The following FARS2 variants were observed in gnomAD, a reference collection of about 807,000 sequenced individuals.
FARS2 encodes the protein phenylalanyl-tRNA synthetase 2, mitochondrial.
Under a neutral mutation model 46.4 loss-of-function variants are expected in FARS2, and 40 were observed. The ratio of observed to expected loss-of-function variants is 0.86; its 90% CI spans 0.67 to 1.12. The LOEUF (loss-of-function observed/expected upper bound fraction) is 1.12. Among genes scored for constraint, FARS2 ranks in the 50% most tolerant of loss-of-function variants. The pLI, the probability that FARS2 is intolerant of heterozygous loss-of-function variation, is 0.00. For synonymous variants in FARS2, 234 were observed against 214.9 expected (o/e 1.09, Z -0.78); for missense variants, 513 against 567.9 (o/e 0.90, Z 0.98).
intron 1 of FARS2, among the ~76,000 whole-genome samples, chr6:5,324,858 T>C (rs1463956244): frequency 6.6e-6 from 1 of 151,968 alleles, no homozygotes; most frequent in East Asian, 1.9e-4. Context: ...CACATGGCTG[T>C]CCACCAAGAA....
intron 5 of FARS2, among the ~76,000 whole-genome samples, chr6:5,574,416 T>C (rs1360525387): frequency 1.3e-5 from 2 of 152,188 alleles, no homozygotes; most frequent in African/African-American, 2.4e-5. Flanking sequence ...TAGGAGAGTC[T>C]TTTGAGAAAA....
chr6:5,535,963 A>G lies in FARS2; in HGVS notation c.905-9217A>G, dbSNP rs1343619413. On this transcript the variant is annotated intron_variant, in intron 4 of 6. Transcript: ENST00000274680. Reference sequence around the variant, plus strand: ...GTAATTTCTTGAGGAGTTTACATCTATGTTCATAAGAGATATTGGTATGTG... The same window carrying G: ...GTAATTTCTTGAGGAGTTTACATCTGTGTTCATAAGAGATATTGGTATGTG... 3.3e-5 allele frequency among the ~76,000 whole-genome samples: 5 copies of G among 151,382 alleles called. 1 individual carries two copies. The highest frequency in any genetic ancestry group is 7.4e-5 in the Non-Finnish European group (5 of 67,930).
At chr6:5,743,654 T>C (rs192673781) in intron 6 of FARS2, among the ~76,000 whole-genome samples, 47 of 152,310 alleles carry the variant, frequency 3.1e-4, no homozygotes, top group African/African-American at 1.1e-3. Flanking sequence ...CGAAGCTGTT[T>C]TCACGTTAGG....
At chr6:5,316,634 G>A (rs1029595396) in intron 1 of FARS2, among the ~76,000 whole-genome samples, 2 of 152,154 alleles carry the variant, frequency 1.3e-5, no homozygotes, top group African/African-American at 4.8e-5. Context: ...TTGACGAATT[G>A]CTGGGGGCCC....
At chr6:5,632,024 T>C (rs950927793) in intron 6 of FARS2, among the ~76,000 whole-genome samples, 9 of 152,214 alleles carry the variant, frequency 5.9e-5, no homozygotes, top group Non-Finnish European at 1.2e-4. Context: ...AATATGAAAA[T>C]TAAAGTTAGA....
intron 4 of FARS2, among the ~76,000 whole-genome samples, chr6:5,459,615 A>G (rs1765118768): frequency 6.6e-6 from 1 of 152,140 alleles, no homozygotes; most frequent in African/African-American, 2.4e-5. Flanking sequence ...AGAATGATGC[A>G]GAGACTCCAT....
chr6:5,466,773 C>A (rs774020075), intron 4 of FARS2: 1 of 982,316 alleles, frequency 1.0e-6, no homozygotes, highest in Non-Finnish European at 1.2e-6. Context: ...TGAAGCAGCA[C>A]CCCTGGTGAT....
In FARS2 at chr6:5,556,662, G is replaced by A. The variant is rs901944281; in HGVS notation, c.1065+11322G>A. Among the ~76,000 whole-genome samples the A allele has an allele frequency of 5.9e-5, 8 of 135,248 alleles. No homozygotes were observed. The East Asian group carries it at 1.6e-3, about 27-fold the overall frequency. 88.7% of individuals were successfully genotyped at this position (135,248 alleles called of 152,430 possible). A position where few individuals can be genotyped will look rare whatever the true frequency, so the allele number is the denominator to read the frequency against. On this transcript the variant is annotated intron_variant, in intron 5 of 6. Coordinates refer to ENST00000274680, the MANE Select transcript of FARS2 (RefSeq NM_006567.5). Reference sequence around the variant, plus strand: ...TATTGTAACTCCATATTTCTTTCTTGTTTATTAAGTTACTAAGAAAGAAAG... The same window carrying A: ...TATTGTAACTCCATATTTCTTTCTTATTTATTAAGTTACTAAGAAAGAAAG...
chr6:5,607,191 G>T (rs1668779380), intron 5 of FARS2, among the ~76,000 whole-genome samples: 1 of 152,094 alleles, frequency 6.6e-6, no homozygotes, highest in Non-Finnish European at 1.5e-5. Flanking sequence ...AAGGAGGGCT[G>T]CTAGGGAAAA....
intron 6 of FARS2, among the ~76,000 whole-genome samples, chr6:5,616,010 TAAAAA>T (rs11327256): frequency 7.3e-5 from 7 of 95,830 alleles, no homozygotes; most frequent in African/African-American, 1.2e-4. Context: ...CCATAGCTCT[TAAAAA>T]AAAAAAAAAA....
intron 6 of FARS2, among the ~76,000 whole-genome samples, chr6:5,731,581 C>A (rs1018532841): frequency 6.6e-6 from 1 of 152,120 alleles, no homozygotes; most frequent in Non-Finnish European, 1.5e-5. Context: ...TCTGTTGTAC[C>A]CTTTGATCTC....
chr6:5,488,747 T>G (rs9504412), intron 4 of FARS2, among the ~76,000 whole-genome samples: 22,705 of 151,712 alleles, frequency 0.15, 1,843 homozygotes, highest in Non-Finnish European at 0.16. Flanking sequence ...AACTTCTCTT[T>G]CAGTCTCTGG....
intron 4 of FARS2, among the ~76,000 whole-genome samples, chr6:5,526,049 T>C (rs1217439859): frequency 6.6e-6 from 1 of 152,232 alleles, no homozygotes; most frequent in Admixed American, 6.5e-5. Flanking sequence ...TCCAATAAGA[T>C]TCAATGATAA....
intron 6 of FARS2, among the ~76,000 whole-genome samples, chr6:5,755,836 A>G (rs1053768594): frequency 9.2e-5 from 14 of 152,108 alleles, no homozygotes; most frequent in African/African-American, 3.4e-4. Flanking sequence ...GACCAGTTTT[A>G]TGGTAATTTC....
intron 2 of FARS2, among the ~76,000 whole-genome samples, chr6:5,373,565 T>C (rs1206500512): frequency 2.6e-5 from 4 of 152,112 alleles, no homozygotes; most frequent in Admixed American, 2.0e-4. Context: ...TACTAGGAAA[T>C]GTTTAACCAA....
intron 1 of FARS2, among the ~76,000 whole-genome samples, chr6:5,296,129 CTTTTTTTTTTTTTTTTTT>C (rs70974187): frequency 3.6e-5 from 2 of 55,040 alleles, no homozygotes; most frequent in Admixed American, 2.9e-4. Context: ...TCATTTTGGC[CTTTTTTTTTTTTTTTTTT>C]TTTTTTTTTT....
chr6:5,358,593 G>A (rs1052726134), intron 1 of FARS2, among the ~76,000 whole-genome samples: 1 of 152,068 alleles, frequency 6.6e-6, no homozygotes, highest in Non-Finnish European at 1.5e-5. Context: ...GGTACAAATG[G>A]ATATTGGTAA....
At chr6:5,666,104 T>C (rs1177357593) in intron 6 of FARS2, among the ~76,000 whole-genome samples, 3 of 152,150 alleles carry the variant, frequency 2.0e-5, no homozygotes, top group Non-Finnish European at 4.4e-5. Flanking sequence ...AAGACTATGG[T>C]ATTTATTGGT....
chr6:5,587,021 A>G (rs543006902), intron 5 of FARS2, among the ~76,000 whole-genome samples: 3 of 152,196 alleles, frequency 2.0e-5, no homozygotes, highest in Non-Finnish European at 2.9e-5. Flanking sequence ...TAAGTAAGAG[A>G]ACTAAATGCT....
Sources: gnomAD v4.1 joint callset for allele counts (sites outside exome capture counted in the v4.1 genomes callset) on GRCh38, gnomAD v4.1.1 for gene constraint, MANE v1.5 for transcripts, NCBI Gene and HGNC (gene_info 2026-07-23, HGNC 2026-07-21) for gene names.